Variants in LARGE1 observed in about 807,000 individuals in gnomAD.
The protein encoded by LARGE1 is LARGE xylosyl- and glucuronyltransferase 1.
A neutral mutation model predicts 87.6 loss-of-function variants in LARGE1; 43 were observed. The ratio of observed to expected loss-of-function variants is 0.49; its 90% CI spans 0.38 to 0.63. The LOEUF (loss-of-function observed/expected upper bound fraction) is 0.63, where lower values mean the gene tolerates loss of function less well. LARGE1 is among the 30% of genes least tolerant of loss of function. The pLI, the probability that LARGE1 is intolerant of heterozygous loss-of-function variation, is 0.00. For missense variants in LARGE1, 802 were observed against 1,000.2 expected, an observed-to-expected ratio of 0.80 and a Z score of 2.67; for synonymous variants, 434 against 394.6, an observed-to-expected ratio of 1.10 and a Z score of -1.18.
chr22:33,097,520 T>C, the LARGE1 span, among the ~76,000 whole-genome samples: 2 of 152,296 alleles, frequency 1.3e-5, no homozygotes, highest in African/African-American at 4.8e-5. Context: ...GAAGAGACAA[T>C]CAAGTTTAAT....
At chr22:33,586,297 C>A (rs2078670560) in intron 5 of LARGE1, among the ~76,000 whole-genome samples, 2 of 152,122 alleles carry the variant, frequency 1.3e-5, no homozygotes, top group Non-Finnish European at 2.9e-5. Flanking sequence ...TGTGGGTGCT[C>A]TTCTACCTGG....
chr22:33,104,889 C>CTCTCTT, the LARGE1 span, among the ~76,000 whole-genome samples: 39 of 89,230 alleles, frequency 4.4e-4, no homozygotes, highest in East Asian at 7.5e-3. Flanking sequence ...GACTTTCTCT[C>CTCTCTT]TCTTTCTTTC....
At chr22:33,338,622 A>T (rs1246640784) in intron 9 of LARGE1, among the ~76,000 whole-genome samples, 3 of 152,202 alleles carry the variant, frequency 2.0e-5, no homozygotes, top group African/African-American at 7.2e-5. Flanking sequence ...TGTCTCATAA[A>T]GCTTTTTTGA....
chr22:33,769,338 G>C (rs761788543), intron 1 of LARGE1, among the ~76,000 whole-genome samples: 2 of 152,110 alleles, frequency 1.3e-5, no homozygotes, highest in African/African-American at 4.8e-5. Context: ...TGGAAATCCT[G>C]GCACGCAAAT....
chr22:33,350,386 C>T (rs560876365), intron 9 of LARGE1, among the ~76,000 whole-genome samples: 1 of 152,304 alleles, frequency 6.6e-6, no homozygotes, highest in South Asian at 2.1e-4. Flanking sequence ...GATAACCAGC[C>T]CGTATTCTTC....
chr22:33,603,287 C>T (rs2079160214), intron 5 of LARGE1, among the ~76,000 whole-genome samples: 1 of 152,174 alleles, frequency 6.6e-6, no homozygotes, highest in Non-Finnish European at 1.5e-5. Flanking sequence ...GAGTCAGCCT[C>T]ATGCTTAGGT....
intron 1 of LARGE1, among the ~76,000 whole-genome samples, chr22:33,765,104 A>T (rs1254825772): frequency 6.6e-6 from 1 of 152,172 alleles, no homozygotes; most frequent in African/African-American, 2.4e-5. Context: ...TGCTTATGTA[A>T]TTCTCAAAAT....
chr22:33,830,401 T>C (rs571588513), intron 1 of LARGE1, among the ~76,000 whole-genome samples: 2 of 152,176 alleles, frequency 1.3e-5, no homozygotes, highest in African/African-American at 4.8e-5. Flanking sequence ...GGTGAAGGAA[T>C]TGTCAGGGAC....
chr22:33,319,561 A>G (rs1013470718), intron 10 of LARGE1, among the ~76,000 whole-genome samples: 1 of 151,892 alleles, frequency 6.6e-6, no homozygotes. Flanking sequence ...ACGCCCGGCT[A>G]ATTTCTGTAT....
intron 11 of LARGE1, among the ~76,000 whole-genome samples, chr22:33,211,372 C>T (rs949076772): frequency 1.3e-5 from 2 of 152,206 alleles, no homozygotes; most frequent in Admixed American, 6.5e-5. Context: ...GAAATGATTA[C>T]ACTTAGTGAG....
chr22:33,213,512 G>T (rs1244636179), intron 11 of LARGE1, among the ~76,000 whole-genome samples: 1 of 152,138 alleles, frequency 6.6e-6, no homozygotes, highest in Non-Finnish European at 1.5e-5. Flanking sequence ...AAACTTCATT[G>T]TTGTCTTATT....
At chr22:33,247,981 C>G (rs1926842128) in intron 11 of LARGE1, among the ~76,000 whole-genome samples, 1 of 152,188 alleles carries the variant, frequency 6.6e-6, no homozygotes, top group South Asian at 2.1e-4. Flanking sequence ...ATAAATTTGA[C>G]TCTTGACAAA....
intron 12 of LARGE1, among the ~76,000 whole-genome samples, chr22:33,284,896 A>T (rs1931229728): frequency 7.9e-5 from 12 of 152,116 alleles, no homozygotes; most frequent in Admixed American, 7.9e-4. Context: ...TTTAATAAAC[A>T]CAGACTGGAT....
At chr22:33,466,693 T>TACACACACACAC (rs536654371) in intron 6 of LARGE1, among the ~76,000 whole-genome samples, 6,098 of 145,178 alleles carry the variant, frequency 0.042, 157 homozygotes, top group Middle Eastern at 0.098. Context: ...TCTCTCTCTC[T>TACACACACACAC]ACACACACAC....
chr22:33,403,893 C>G (rs188480336), intron 7 of LARGE1, among the ~76,000 whole-genome samples: 2 of 152,168 alleles, frequency 1.3e-5, no homozygotes, highest in Non-Finnish European at 1.5e-5. Flanking sequence ...CCACCGCGCC[C>G]GGCCCATACT....
intron 1 of LARGE1, among the ~76,000 whole-genome samples, chr22:33,865,501 G>A (rs2064065303): frequency 6.6e-6 from 1 of 152,164 alleles, no homozygotes; most frequent in African/African-American, 2.4e-5. Context: ...CTGCATATAG[G>A]TTGACCCCTT....
chr22:33,406,319 C>T (rs1318265737), intron 7 of LARGE1, among the ~76,000 whole-genome samples: 1 of 152,154 alleles, frequency 6.6e-6, no homozygotes, highest in Non-Finnish European at 1.5e-5. Flanking sequence ...GTCCAACATT[C>T]TGCGCAGTCC....
intron 11 of LARGE1, among the ~76,000 whole-genome samples, chr22:33,311,013 T>G (rs991500507): frequency 6.6e-6 from 1 of 150,944 alleles, no homozygotes; most frequent in Admixed American, 6.7e-5. Context: ...CAGGCTGGAG[T>G]GCAGTGGCAC....
intron 2 of LARGE1, among the ~76,000 whole-genome samples, chr22:33,671,962 C>T (rs2081428259): frequency 6.6e-6 from 1 of 152,148 alleles, no homozygotes; most frequent in Non-Finnish European, 1.5e-5. Context: ...GATGTTTTAC[C>T]TTTCAAATGT....
Sources: gnomAD v4.1 joint callset for allele counts (sites outside exome capture counted in the v4.1 genomes callset) on GRCh38, gnomAD v4.1.1 for gene constraint, MANE v1.5 for transcripts, NCBI Gene and HGNC (gene_info 2026-07-23, HGNC 2026-07-21) for gene names.